The following KAZN variants were observed in gnomAD, a reference collection of about 807,000 sequenced individuals.
The protein encoded by KAZN is kazrin.
KAZN carries 40 observed loss-of-function variants against 87.4 expected under a neutral mutation model. The observed-to-expected ratio is 0.46, with a 90% CI of 0.36 to 0.60. The LOEUF is 0.60. Among genes scored for constraint, KAZN ranks in the 20% least tolerant of loss-of-function variants. The pLI, the probability that KAZN is intolerant of heterozygous loss-of-function variation, is 0.00. For synonymous variants in KAZN, 466 were observed against 458.3 expected (o/e 1.02, Z -0.22); for missense variants, 898 against 1,073.9 (o/e 0.84, Z 2.29).
At chr1:13,921,869 G>T (rs779538241) in intron 1 of KAZN, among the ~76,000 whole-genome samples, 2 of 152,000 alleles carry the variant, frequency 1.3e-5, no homozygotes, top group Non-Finnish European at 2.9e-5. Flanking sequence ...CTGACCTCGT[G>T]ATCTGCCCGC....
intron 2 of KAZN, among the ~76,000 whole-genome samples, chr1:14,419,240 A>G (rs1665133987): frequency 6.6e-6 from 1 of 152,246 alleles, no homozygotes; most frequent in African/African-American, 2.4e-5. Flanking sequence ...TTTAAAAGTA[A>G]GTAAACTGAA....
chr1:14,269,886 A>G (rs991679938), intron 2 of KAZN, among the ~76,000 whole-genome samples: 9 of 152,208 alleles, frequency 5.9e-5, no homozygotes, highest in African/African-American at 2.2e-4. Flanking sequence ...TCCAGTGTTC[A>G]TAGTATCTCT....
chr1:14,172,840 T>A (rs1645984136), intron 1 of KAZN, among the ~76,000 whole-genome samples: 1 of 152,242 alleles, frequency 6.6e-6, no homozygotes, highest in Non-Finnish European at 1.5e-5. Context: ...CTCGTGTATC[T>A]GGCACCTGGG....
intron 2 of KAZN, among the ~76,000 whole-genome samples, chr1:14,375,434 A>G (rs1385614759): frequency 2.0e-5 from 3 of 152,220 alleles, no homozygotes; most frequent in Non-Finnish European, 4.4e-5. Context: ...ATTTAGAGCC[A>G]TACCGTAGGA....
exon 2 of KAZN, chr1:14,180,460 T>A: frequency 6.4e-7 from 1 of 1,550,408 alleles, no homozygotes; most frequent in African/African-American, 1.4e-5. Flanking sequence ...ACACCCTCAA[T>A]GACCAGATTT....
intron 2 of KAZN, among the ~76,000 whole-genome samples, chr1:14,542,340 T>C (rs1034231942): frequency 6.6e-6 from 1 of 151,204 alleles, no homozygotes; most frequent in African/African-American, 2.4e-5. Context: ...ATATACCTAA[T>C]GCTAAATGAC....
chr1:14,089,248 C>T (rs921544099), intron 1 of KAZN, among the ~76,000 whole-genome samples: 2 of 151,956 alleles, frequency 1.3e-5, no homozygotes, highest in Non-Finnish European at 2.9e-5. Context: ...ATCTGACAAT[C>T]TATGTCTTTT....
In KAZN at chr1:14,734,204, CTGTA is replaced by C. The variant is rs1260606552; in HGVS notation, c.226+134982_226+134985del. Among the ~76,000 whole-genome samples, 4 of 152,284 alleles carry C rather than the reference CTGTA, an allele frequency of 2.6e-5. No homozygotes were observed. The East Asian group carries it at 7.7e-4, about 29-fold the overall frequency. On this transcript the variant is annotated intron_variant, in intron 1 of 14. Coordinates refer to ENST00000376030, the MANE Select transcript of KAZN (RefSeq NM_201628.3). ...AGCACCTAACTCAGTGTTTCTCAAACTGTACAGTGCGCCTGAAGCACTCCGGGAT... is the reference window on the plus strand; with the variant it reads ...AGCACCTAACTCAGTGTTTCTCAAACCAGTGCGCCTGAAGCACTCCGGGAT...
At chr1:14,075,349 TA>T in intron 1 of KAZN, among the ~76,000 whole-genome samples, 1 of 152,318 alleles carries the variant, frequency 6.6e-6, no homozygotes, top group Non-Finnish European at 1.5e-5. Context: ...ACTCTTGCGC[TA>T]ATGGTTGTTT....
chr1:14,487,864 G>A (rs1669430250), intron 2 of KAZN, among the ~76,000 whole-genome samples: 1 of 152,148 alleles, frequency 6.6e-6, no homozygotes, highest in Non-Finnish European at 1.5e-5. Flanking sequence ...AGATAGTGCT[G>A]CCTCACCAGG....
intron 1 of KAZN, among the ~76,000 whole-genome samples, chr1:14,155,706 G>GT (rs1321468892): frequency 6.6e-6 from 1 of 152,002 alleles, no homozygotes; most frequent in Non-Finnish European, 1.5e-5. Flanking sequence ...CTGGAGTGCA[G>GT]TGGCACCATC....
chr1:14,819,295 G>A (rs1646666693), intron 1 of KAZN, among the ~76,000 whole-genome samples: 1 of 152,206 alleles, frequency 6.6e-6, no homozygotes, highest in Admixed American at 6.5e-5. Context: ...AAGAGCTGGA[G>A]CTAACTCTCT....
chr1:15,090,791 C>T (rs148828750), intron 8 of KAZN, among the ~76,000 whole-genome samples: 9 of 152,358 alleles, frequency 5.9e-5, no homozygotes, highest in East Asian at 1.9e-4. Flanking sequence ...TGAGTCCTCA[C>T]GGCAGCCCAC....
At chr1:14,775,417 A>G (rs1463920662) in intron 1 of KAZN, among the ~76,000 whole-genome samples, 3 of 152,230 alleles carry the variant, frequency 2.0e-5, no homozygotes, top group Non-Finnish European at 4.4e-5. Context: ...TGATGAAGAC[A>G]CTGAGGAGGT....
chr1:14,143,164 G>A (rs1423230444), intron 1 of KAZN, among the ~76,000 whole-genome samples: 2 of 152,128 alleles, frequency 1.3e-5, no homozygotes, highest in African/African-American at 4.8e-5. Context: ...TCCTAATTGT[G>A]ATGCATCCAG....
At chr1:14,505,380 A>G (rs1034145691) in intron 2 of KAZN, among the ~76,000 whole-genome samples, 8 of 152,218 alleles carry the variant, frequency 5.3e-5, no homozygotes, top group African/African-American at 1.9e-4. Context: ...GATGTCTACT[A>G]TGCTTCTTCC....
chr1:14,060,468 A>G (rs10489147), intron 1 of KAZN, among the ~76,000 whole-genome samples: 8,076 of 152,128 alleles, frequency 0.053, 588 homozygotes, highest in African/African-American at 0.16. Flanking sequence ...TCCCATAATG[A>G]TAAAGATGTC....
chr1:14,205,884 C>CA (rs70997121), intron 2 of KAZN, among the ~76,000 whole-genome samples: 732 of 35,180 alleles, frequency 0.021, 106 homozygotes, highest in South Asian at 0.04. Context: ...GACACTGTCT[C>CA]AAAAAAAAAA....
At chr1:14,291,237 T>C (rs1262045022) in intron 2 of KAZN, among the ~76,000 whole-genome samples, 1 of 152,240 alleles carries the variant, frequency 6.6e-6, no homozygotes, top group Non-Finnish European at 1.5e-5. Context: ...CAGGGATGTT[T>C]AAGTCTGCAG....
Sources: gnomAD v4.1 joint callset for allele counts (sites outside exome capture counted in the v4.1 genomes callset) on GRCh38, gnomAD v4.1.1 for gene constraint, MANE v1.5 for transcripts, NCBI Gene and HGNC (gene_info 2026-07-23, HGNC 2026-07-21) for gene names.